APBA3: variants seen among roughly 807,000 people sequenced by gnomAD.
APBA3 encodes the protein amyloid-beta A4 precursor protein-binding family A member 3.
APBA3 carries 45 observed loss-of-function variants against 55.9 expected under a neutral mutation model. That is an observed-to-expected ratio of 0.80 (90% CI 0.63 to 1.03). The LOEUF (loss-of-function observed/expected upper bound fraction) is 1.03. Ranked by LOEUF, APBA3 falls within the 50% of genes least tolerant of loss-of-function variation. The pLI is 0.00. For synonymous variants in APBA3, 370 were observed against 353.3 expected (o/e 1.05, Z -0.53); for missense variants, 865 against 820.3 (o/e 1.05, Z -0.67).
rs746107677 is a variant in APBA3, at chr19:3,753,869, C to G, written c.907G>C (p.Val303Leu). ...TISYTADIGC[V>L]LVLMARRRLA... ...CGCCGCCGCGCCATCAGCACCAGCACGCAGCCGATGTCGGCTGTGTAGGAG... is the reference window on the plus strand; with the variant it reads ...CGCCGCCGCGCCATCAGCACCAGCAGGCAGCCGATGTCGGCTGTGTAGGAG... Residue 303 changes from valine (V) to leucine (L), a missense_variant, in exon 6 of 11, where the codon GTG (valine) becomes CTG (leucine). Coordinates refer to ENST00000316757, the MANE Select transcript of APBA3 (RefSeq NM_004886.4). The G allele has an allele frequency of 6.4e-7, 1 of 1,565,648 alleles. No individual in the cohort carries two copies. The highest frequency in any genetic ancestry group is 1.4e-5 in the African/African-American group (1 of 74,040).
intron 3 of APBA3, among the ~76,000 whole-genome samples, chr19:3,759,031 G>A (rs1050543373): frequency 1.3e-5 from 2 of 151,664 alleles, no homozygotes; most frequent in African/African-American, 2.4e-5. Flanking sequence ...AAACCAGCTT[G>A]GGCAACATGG....
In APBA3 at chr19:3,760,145, C is replaced by A. The variant is rs1183348939; in HGVS notation, c.120G>T (p.Met40Ile). ...DLTPDSQWDP[M>I]PGGPGSLSRM... is the part of the protein sequence containing the mutation. ...GACTGAGGCTGCCGGGGCCTCCTGG[C>A]ATAGGGTCCCACTGGCTGTCAGGGG... Residue 40 changes from methionine to isoleucine, a missense_variant, in exon 2 of 11, where the codon ATG becomes ATT. Met to Ile is a conservative substitution (Grantham distance 10). Coordinates refer to ENST00000316757, the MANE Select transcript of APBA3 (RefSeq NM_004886.4). 2 of 1,613,352 alleles carry A rather than the reference C, an allele frequency of 1.2e-6. No homozygotes were observed. Among genetic ancestry groups the A allele is most frequent in the Non-Finnish European group, 1.7e-6 (2 of 1,180,038 alleles).
Position 3,759,571 on chromosome 19 carries a change from G to C in APBA3, c.606C>G (p.Ala202=). The change falls in exon 3 of 11, where the codon GCC becomes GCG. Residue 202 remains alanine (A), a synonymous_variant. Coordinates refer to ENST00000316757, the MANE Select transcript of APBA3 (RefSeq NM_004886.4). ...QSPETLASYP[A]PQEVPGPCDH... The stretch of plus-strand genomic sequence containing the variant: ...GGGCGGGACACTCACCCTCCTGGGG[G>C]GCAGGGTAGGAAGCCAGGGTCTCGG... 1 of 1,599,536 alleles carries C rather than the reference G, an allele frequency of 6.3e-7. No homozygotes were observed. The highest frequency in any genetic ancestry group is 8.5e-7 in the Non-Finnish European group (1 of 1,174,568).
rs973647620 is a variant in APBA3 at position 3,754,202 on chromosome 19, C to T, written c.755G>A (p.Arg252His). 16 of 1,540,138 alleles carry T rather than the reference C, an allele frequency of 1.0e-5. No homozygotes were observed. Among genetic ancestry groups the T allele is most frequent in the African/African-American group, 6.9e-5 (5 of 72,488 alleles). ...RMAQAREAMD[R>H]VKAPDGETQP... ...CCCCGGCCGCCCCCTCACCTTGACG[C>T]GGTCCATGGCCTCCCGGGCCTGGGC... The change falls in exon 4 of 11, where the codon CGC becomes CAC. Residue 252 changes from arginine to histidine, a missense_variant. Arg to His is a conservative substitution (Grantham distance 29). Transcript: ENST00000316757.
At chr19:3,752,074 C>A (rs1052591432) in intron 8 of APBA3, among the ~76,000 whole-genome samples, 8 of 152,112 alleles carry the variant, frequency 5.3e-5, no homozygotes, top group African/African-American at 1.9e-4. Context: ...ATAAACTGGG[C>A]GTGGTGGTGC....
rs767601044 is a variant in APBA3 at position 3,751,279 on chromosome 19, G to A, written c.1566C>T (p.Val522=). 2.5e-5 allele frequency: 38 copies of A among 1,542,794 alleles called. No individual in the cohort carries two copies. The South Asian group carries it at 2.5e-4, about 10-fold the overall frequency. Residue 522 remains valine, a synonymous_variant, in exon 10 of 11, where the codon GTC becomes GTT. Coordinates refer to ENST00000316757, the MANE Select transcript of APBA3 (RefSeq NM_004886.4). ...GGIAERGGIR[V]GHRIIEINGQ... is the part of the protein sequence containing the mutation. ...CATTGATCTCAATGATGCGGTGGCC[G>A]ACGCGGATGCCCCCACGCTCGGCGA... is the stretch of plus-strand genomic sequence containing the variant.
chr19:3,753,936 G>A lies in APBA3; in HGVS notation c.850-10C>T. On this transcript the variant is annotated splice_polypyrimidine_tract_variant and intron_variant, in intron 5 of 10. Coordinates refer to ENST00000316757, the MANE Select transcript of APBA3 (RefSeq NM_004886.4). ...GGTCCATCATGGCCTCCTGGGGCGG[G>A]AGAGGCAGCCTGGGTGGGTTGGGGG... The A allele has an allele frequency of 6.4e-7, 1 of 1,556,258 alleles. No individual in the cohort carries two copies. Among genetic ancestry groups the A allele is most frequent in the East Asian group, 2.4e-5 (1 of 41,492 alleles).
chr19:3,753,924 C>T lies in APBA3; in HGVS notation c.852G>A (p.Glu284=). 1 of 1,554,966 alleles carries T rather than the reference C, an allele frequency of 6.4e-7. No individual in the cohort carries two copies. The highest frequency in any genetic ancestry group is 1.2e-5 in the South Asian group (1 of 84,978). The change falls in exon 6 of 11, where the codon GAG becomes GAA. Residue 284 remains glutamate (E), a splice_region_variant and synonymous_variant. Coordinates refer to ENST00000316757, the MANE Select transcript of APBA3 (RefSeq NM_004886.4). ...RIKVLTADSQ[E]AMMDHALHTI... ...TATGCAGGGCGTGGTCCATCATGGC[C>T]TCCTGGGGCGGGAGAGGCAGCCTGG...
In APBA3 at chr19:3,760,168, G is replaced by C. The variant is rs1170349852; in HGVS notation, c.97C>G (p.Pro33Ala). 6.8e-6 allele frequency: 11 copies of C among 1,613,294 alleles called. No homozygotes were observed. Among genetic ancestry groups the C allele is most frequent in the Non-Finnish European group, 8.5e-6 (10 of 1,180,026 alleles). The change falls in exon 2 of 11, where the codon CCT becomes GCT. Residue 33 changes from proline (P) to alanine (A), a missense_variant. Transcript: ENST00000316757. Reference protein sequence around the residue: ...DILVPSEDLTPDSQWDPMPGG... With the variant: ...DILVPSEDLTADSQWDPMPGG... Reference sequence around the variant, plus strand: ...GGCATAGGGTCCCACTGGCTGTCAGGGGTGAGGTCCTCCGAAGGCACAAGA... The same window carrying C: ...GGCATAGGGTCCCACTGGCTGTCAGCGGTGAGGTCCTCCGAAGGCACAAGA...
chr19:3,750,871 G>C lies in APBA3; in HGVS notation c.*155C>G, dbSNP rs4807505. ...TCCTCGGTCCCGTAGACCCTGATCC[G>C]AGACTTTGCCAAATGCATAAGCTTT... On this transcript the variant is annotated 3_prime_UTR_variant, in exon 11 of 11. Coordinates refer to ENST00000316757, the MANE Select transcript of APBA3 (RefSeq NM_004886.4). 9.3e-7 allele frequency: 1 copy of C among 1,072,814 alleles called. No individual in the cohort carries two copies. Among genetic ancestry groups the C allele is most frequent in the Admixed American group, 2.1e-5 (1 of 47,296 alleles). The allele number at this position is 1,072,814 out of a possible 1,614,324, so 66.5% of individuals were successfully genotyped here.
At position 3,757,939 on chromosome 19, in the gene APBA3, T is replaced by G. The variant is rs531688830; in HGVS notation, c.616+1622A>C. 2.0e-5 allele frequency among the ~76,000 whole-genome samples: 3 copies of G among 152,264 alleles called. No homozygotes were observed. In the South Asian group the frequency reaches 6.2e-4, roughly 32 times the overall value. On this transcript the variant is annotated intron_variant, in intron 3 of 10. Transcript: ENST00000316757. Reference sequence around the variant, plus strand: ...CTTTATTTATGTACACTGAAATTTGTTTTTCTTTTTTTAGAGACAGAGTCT... The same window carrying G: ...CTTTATTTATGTACACTGAAATTTGGTTTTCTTTTTTTAGAGACAGAGTCT...
chr19:3,752,576 G>T lies in APBA3; in HGVS notation c.1327C>A (p.Arg443Ser). The T allele has an allele frequency of 6.3e-7, 1 of 1,587,596 alleles. No homozygotes were observed. The change falls in exon 8 of 11, where the codon CGC becomes AGC. Residue 443 changes from arginine to serine, a missense_variant. By Grantham distance (110) the Arg-to-Ser change is moderately radical. Coordinates refer to ENST00000316757, the MANE Select transcript of APBA3 (RefSeq NM_004886.4). ...CTGGTCCCGTTGATGGCGGTCAGGCGGTCCCCGATGCTGAGGGCCCCCGAG... is the reference window on the plus strand; with the variant it reads ...CTGGTCCCGTTGATGGCGGTCAGGCTGTCCCCGATGCTGAGGGCCCCCGAG... ...ERSGALSIGD[R>S]LTAINGTSLV...
At chr19:3,761,461 A>C (rs1339982138) in intron 1 of APBA3, 75 bp downstream of exon 1, 1 of 152,768 alleles carries the variant, frequency 6.5e-6, no homozygotes, top group Admixed American at 6.5e-5. Context: ...CCCCAAGCCC[A>C]GACCCTAGTC....
intron 3 of APBA3, among the ~76,000 whole-genome samples, chr19:3,759,274 G>T (rs962344084): frequency 2.6e-5 from 4 of 152,116 alleles, no homozygotes; most frequent in Admixed American, 1.3e-4. Context: ...CGAGACCTAC[G>T]TGAGCAGGCA....
At position 3,750,849 on chromosome 19, in the gene APBA3, T is replaced by A. The variant is rs2036986404; in HGVS notation, c.*177A>T. The A allele has an allele frequency of 3.1e-6, 3 of 970,930 alleles. No individual in the cohort carries two copies. The highest frequency in any genetic ancestry group is 4.7e-6 in the Non-Finnish European group (3 of 636,368). The allele number at this position is 970,930 out of a possible 1,614,324, so 60.1% of individuals were successfully genotyped here. ...GTGGCTTCCAGGAAGGACAAGGTCC[T>A]CGGTCCCGTAGACCCTGATCCGAGA... On this transcript the variant is annotated 3_prime_UTR_variant, in exon 11 of 11. Transcript: ENST00000316757.
intron 7 of APBA3, 32 bp downstream of exon 7, chr19:3,752,788 A>T: frequency 6.2e-7 from 1 of 1,610,272 alleles, no homozygotes. Context: ...TGTGGGGGGC[A>T]CCAGGTGGGG....
At chr19:3,751,144 G>T (rs746399910) in intron 10 of APBA3, 45 bp downstream of exon 10, 3 of 1,555,924 alleles carry the variant, frequency 1.9e-6, no homozygotes, top group East Asian at 2.4e-5. Flanking sequence ...CTGGGCTCGT[G>T]GGGGACGTGG....
intron 3 of APBA3, among the ~76,000 whole-genome samples, chr19:3,758,642 G>A (rs985821030): frequency 5.3e-5 from 8 of 152,110 alleles, no homozygotes; most frequent in African/African-American, 1.4e-4. Context: ...CACTTTAGGA[G>A]GCCAAGGCGG....
chr19:3,752,825 G>T lies in APBA3; in HGVS notation c.1177C>A (p.Arg393=). 6.2e-7 allele frequency: 1 copy of T among 1,613,130 alleles called. No individual in the cohort carries two copies. The highest frequency in any genetic ancestry group is 8.5e-7 in the Non-Finnish European group (1 of 1,179,834). Reference sequence around the variant, plus strand: ...CTGCCCAGCACCTCACTCACCTCCCGGCAGTTGTCACTGTTGGAGAAGTGG... The same window carrying T: ...CTGCCCAGCACCTCACTCACCTCCCTGCAGTTGTCACTGTTGGAGAAGTGG... ...LDHFSNSDNC[R]EVHLEKRRGE... Residue 393 remains arginine, a synonymous_variant, in exon 7 of 11, where the codon CGG becomes AGG. Transcript: ENST00000316757.
Sources: allele counts gnomAD v4.1 joint callset (sites outside exome capture counted in the v4.1 genomes callset), GRCh38; gene constraint gnomAD v4.1.1; transcripts MANE v1.5; gene names NCBI Gene and HGNC (gene_info 2026-07-23, HGNC 2026-07-21).